The following RXFP2 variants were observed in gnomAD, a reference collection of about 807,000 sequenced individuals.
RXFP2 encodes the protein relaxin receptor 2.
Under a neutral mutation model 88.6 loss-of-function variants are expected in RXFP2, and 68 were observed. That is an observed-to-expected ratio of 0.77 (90% CI 0.63 to 0.94). RXFP2 has a LOEUF of 0.94. Among genes scored for constraint, RXFP2 ranks in the 40% least tolerant of loss-of-function variants. The pLI is 0.00. For missense variants in RXFP2, 791 were observed against 893.9 expected, an observed-to-expected ratio of 0.88 and a Z score of 1.47; for synonymous variants, 329 against 306.8, an observed-to-expected ratio of 1.07 and a Z score of -0.76.
chr13:31,795,246 T>A (rs1457611983), intron 16 of RXFP2, among the ~76,000 whole-genome samples: 1 of 151,710 alleles, frequency 6.6e-6, no homozygotes, highest in East Asian at 1.9e-4. Flanking sequence ...GCCTCCCAGG[T>A]TCAAGTGATT....
At chr13:31,767,469 T>C (rs564775678) in intron 5 of RXFP2, among the ~76,000 whole-genome samples, 3 of 152,282 alleles carry the variant, frequency 2.0e-5, no homozygotes, top group East Asian at 3.9e-4. Flanking sequence ...GTTCATTAGA[T>C]GAATCAATAT....
intron 5 of RXFP2, among the ~76,000 whole-genome samples, chr13:31,774,058 G>A (rs1356077536): frequency 6.6e-6 from 1 of 152,172 alleles, no homozygotes; most frequent in African/African-American, 2.4e-5. Context: ...AGTCAGTCCT[G>A]ATCCTATGAC....
At position 31,791,842 on chromosome 13, in the gene RXFP2, C is replaced by T; in HGVS notation, c.1182C>T (p.Pro394=). ...ACTTTCGATACTGCTCCTATGCTCC[C>T]CATGTCCGAATATGTATGCCCTTGA... ...FKNFRYCSYA[P]HVRICMPLTD... The change falls in exon 15 of 18, where the codon CCC becomes CCT. Residue 394 remains proline, a synonymous_variant. Transcript: ENST00000298386. The T allele has an allele frequency of 1.9e-6, 3 of 1,614,130 alleles. No homozygotes were observed. The highest frequency in any genetic ancestry group is 1.7e-6 in the Non-Finnish European group (2 of 1,179,994).
At chr13:31,768,641 G>C (rs1008635578) in intron 5 of RXFP2, among the ~76,000 whole-genome samples, 7 of 152,140 alleles carry the variant, frequency 4.6e-5, no homozygotes, top group African/African-American at 1.7e-4. Flanking sequence ...TATTATCAAT[G>C]AAACCACCCA....
intron 2 of RXFP2, among the ~76,000 whole-genome samples, chr13:31,761,140 G>C (rs1326269639): frequency 6.6e-6 from 1 of 152,060 alleles, no homozygotes; most frequent in Non-Finnish European, 1.5e-5. Context: ...GTTTTGTAAA[G>C]AGAGGGTCTC....
intron 5 of RXFP2, among the ~76,000 whole-genome samples, chr13:31,772,066 C>T (rs1872755572): frequency 6.6e-6 from 1 of 152,128 alleles, no homozygotes; most frequent in Non-Finnish European, 1.5e-5. Context: ...TTTTAATAAT[C>T]TTTTAAAATG....
chr13:31,764,230 GTC>G (rs1269665213), intron 3 of RXFP2, among the ~76,000 whole-genome samples: 1 of 126,146 alleles, frequency 7.9e-6, no homozygotes, highest in Non-Finnish European at 1.7e-5. Flanking sequence ...GCCCTCGTCT[GTC>G]TCTCTCTCTT....
chr13:31,751,921 A>G (rs1871690169), intron 1 of RXFP2, among the ~76,000 whole-genome samples: 1 of 152,186 alleles, frequency 6.6e-6, no homozygotes, highest in Non-Finnish European at 1.5e-5. Flanking sequence ...CTGAAAGGTA[A>G]GATTTTAACC....
chr13:31,782,450 G>C (rs1177671751), intron 10 of RXFP2, among the ~76,000 whole-genome samples: 1 of 152,196 alleles, frequency 6.6e-6, no homozygotes, highest in Non-Finnish European at 1.5e-5. Flanking sequence ...CAGCTTTCTA[G>C]ACCGCACTCA....
intron 1 of RXFP2, among the ~76,000 whole-genome samples, chr13:31,743,294 C>A (rs1175472830): frequency 5.9e-5 from 9 of 151,920 alleles, no homozygotes; most frequent in African/African-American, 1.2e-4. Context: ...ATGGTGAAAT[C>A]CCATCTCTAT....
chr13:31,782,454 G>T (rs146738445), intron 10 of RXFP2, among the ~76,000 whole-genome samples: 1 of 152,152 alleles, frequency 6.6e-6, no homozygotes, highest in African/African-American at 2.4e-5. Context: ...TTTCTAGACC[G>T]CACTCAGGAC....
intron 5 of RXFP2, 55 bp downstream of exon 5, chr13:31,766,082 G>T: frequency 1.2e-6 from 1 of 861,052 alleles, no homozygotes; most frequent in Non-Finnish European, 2.0e-6. Context: ...GGTGGTGTAA[G>T]ATGTTTTTGA....
intron 1 of RXFP2, among the ~76,000 whole-genome samples, chr13:31,749,791 A>T (rs1380707842): frequency 2.0e-5 from 3 of 152,230 alleles, no homozygotes; most frequent in Non-Finnish European, 2.9e-5. Context: ...TAATATTCAC[A>T]GTCATATTAT....
chr13:31,786,735 A>C, intron 13 of RXFP2, 98 bp downstream of exon 13: 1 of 752,754 alleles, frequency 1.3e-6, no homozygotes, highest in Admixed American at 2.1e-5. Flanking sequence ...AGGAGCATGC[A>C]TTTCAGACAA....
intron 3 of RXFP2, among the ~76,000 whole-genome samples, chr13:31,762,866 T>C (rs1272812648): frequency 6.6e-6 from 1 of 152,162 alleles, no homozygotes; most frequent in Non-Finnish European, 1.5e-5. Context: ...TTTTAAAGGT[T>C]ACTGCTGTAT....
intron 14 of RXFP2, among the ~76,000 whole-genome samples, chr13:31,790,869 G>A (rs1294789554): frequency 6.6e-6 from 1 of 152,056 alleles, no homozygotes; most frequent in East Asian, 1.9e-4. Flanking sequence ...AAAAAGCAAA[G>A]CTCTGAGTAG....
chr13:31,758,987 C>A (rs993600377), intron 2 of RXFP2, among the ~76,000 whole-genome samples: 1 of 151,212 alleles, frequency 6.6e-6, no homozygotes, highest in African/African-American at 2.4e-5. Flanking sequence ...GGCAAGGTTG[C>A]GGTGAGCCCA....
chr13:31,772,837 T>A (rs183082898), intron 5 of RXFP2, among the ~76,000 whole-genome samples: 87 of 152,346 alleles, frequency 5.7e-4, no homozygotes, highest in South Asian at 1.2e-3. Context: ...CCTTGACTTA[T>A]AAGACAAAAG....
intron 5 of RXFP2, among the ~76,000 whole-genome samples, chr13:31,770,055 A>G (rs1402534963): frequency 6.6e-6 from 1 of 152,222 alleles, no homozygotes; most frequent in Non-Finnish European, 1.5e-5. Flanking sequence ...AAAAAATTAT[A>G]AAACTGCTTG....
Sources: gnomAD v4.1 joint callset for allele counts (sites outside exome capture counted in the v4.1 genomes callset) on GRCh38, gnomAD v4.1.1 for gene constraint, MANE v1.5 for transcripts, NCBI Gene and HGNC (gene_info 2026-07-23, HGNC 2026-07-21) for gene names.